The following GNG7 variants were observed in gnomAD, a reference collection of about 807,000 sequenced individuals.
GNG7 encodes guanine nucleotide-binding protein G(I)/G(S)/G(O) subunit gamma-7.
A neutral mutation model predicts 4.0 loss-of-function variants in GNG7; 1 was observed. The ratio of observed to expected loss-of-function variants is 0.25; its 90% confidence interval spans 0.09 to 1.18. GNG7 has a LOEUF of 1.18. GNG7 is among the 50% of genes most tolerant of loss of function. The probability of loss-of-function intolerance (pLI) is 0.50; values close to 1 mark genes in which losing one functional copy is unlikely to be tolerated. For synonymous variants in GNG7, 34 were observed against 36.9 expected, an observed-to-expected ratio of 0.92 and a Z score of 0.29; for missense variants, 86 against 91.9, an observed-to-expected ratio of 0.94 and a Z score of 0.26.
rs1035299962 is a variant in GNG7 at position 2,555,850 on chromosome 19, G to A, written c.-77-662C>T. Among the ~76,000 whole-genome samples the A allele has an allele frequency of 7.0e-4, 107 of 152,236 alleles. 1 individual carries two copies. The highest frequency in any genetic ancestry group is 2.5e-3 in the African/African-American group (103 of 41,542). ...GGAACGGAATCCTCTGTTCCAAGCC[G>A]GACCCTGCACAGGGCCAGGCCCCGT... On this transcript the variant is annotated intron_variant, in intron 2 of 4. Transcript: ENST00000382159.
intron 3 of GNG7, among the ~76,000 whole-genome samples, chr19:2,521,392 A>C (rs1377439068): frequency 1.3e-5 from 2 of 152,150 alleles, no homozygotes; most frequent in African/African-American, 4.8e-5. Flanking sequence ...CTTGCCCTCC[A>C]GGGGACACTG....
rs117653652 is a variant in GNG7 at position 2,650,249 on chromosome 19, G to A, written c.-134-3969C>T. On this transcript the variant is annotated intron_variant, in intron 1 of 4. Coordinates refer to ENST00000382159, the MANE Select transcript of GNG7 (RefSeq NM_052847.3). ...CCCAGGCTGGAGTGCAGTGGGGCAC[G>A]ATCTCGGCTCACGGCAACCTCCACC... Among the ~76,000 whole-genome samples the A allele has an allele frequency of 9.8e-3, 1,438 of 147,360 alleles. 10 individuals carry two copies. Among genetic ancestry groups the A allele is most frequent in the Non-Finnish European group, 0.016 (1,044 of 67,332 alleles).
At position 2,609,002 on chromosome 19, in the gene GNG7, C is replaced by T. The variant is rs891653734; in HGVS notation, c.-78+37222G>A. 1.4e-5 allele frequency among the ~76,000 whole-genome samples: 2 copies of T among 140,814 alleles called. No homozygotes were observed. The highest frequency in any genetic ancestry group is 5.1e-5 in the African/African-American group (2 of 39,022). 92.4% of individuals were successfully genotyped at this position (140,814 alleles called of 152,430 possible). A position where few individuals can be genotyped will look rare whatever the true frequency, so the allele number is the denominator to read the frequency against. ...GTACAAACATCATGCCTACCTAGTT[C>T]TTGTACATTCTCTCTCTCTCTCTCT... On this transcript the variant is annotated intron_variant, in intron 2 of 4. Transcript: ENST00000382159. This position sits in a 1 kb window ranked among gnomAD's most constrained non-coding sequence, Gnocchi z 4.4.
intron 2 of GNG7, chr19:2,643,138 C>T: frequency 2.2e-6 from 1 of 454,524 alleles, no homozygotes; most frequent in Non-Finnish European, 4.4e-6. Context: ...GCTCTGCACA[C>T]CTTCCCACCC....
chr19:2,581,867 T>G (rs1980514468), intron 2 of GNG7, among the ~76,000 whole-genome samples: 1 of 152,176 alleles, frequency 6.6e-6, no homozygotes, highest in South Asian at 2.1e-4. Context: ...AGAGAATGTC[T>G]GGGAGGGGAC....
At chr19:2,692,761 G>C (rs1336427435) in intron 1 of GNG7, among the ~76,000 whole-genome samples, 2 of 151,958 alleles carry the variant, frequency 1.3e-5, no homozygotes, top group African/African-American at 2.4e-5. Flanking sequence ...TGCGGTGGGC[G>C]AATCACTTGA....
At chr19:2,612,539 C>T (rs1429055317) in intron 2 of GNG7, among the ~76,000 whole-genome samples, 1 of 152,044 alleles carries the variant, frequency 6.6e-6, no homozygotes, top group Non-Finnish European at 1.5e-5. Context: ...GCTCCCACGG[C>T]ACAAAAGCCC....
intron 2 of GNG7, among the ~76,000 whole-genome samples, chr19:2,630,516 G>A (rs1037397852): frequency 6.6e-6 from 1 of 152,130 alleles, no homozygotes; most frequent in Non-Finnish European, 1.5e-5. Context: ...AGCATGAGGG[G>A]CCTATGGAGA....
In GNG7 at chr19:2,514,951, T is replaced by TGAGACA. The variant is rs375659854; in HGVS notation, c.*65_*70dup. The TGAGACA allele has an allele frequency of 6.4e-5, 83 of 1,293,774 alleles. No homozygotes were observed. In the African/African-American group the frequency reaches 9.6e-4, roughly 15 times the overall value. 80.1% of individuals were successfully genotyped at this position (1,293,774 alleles called of 1,614,324 possible). A position where few individuals can be genotyped will look rare whatever the true frequency, so the allele number is the denominator to read the frequency against. ...GCTAATTACTGAATGATGCCCTGCC[T>TGAGACA]GAGACAGAGACAGAGACAGAGAGAG... On this transcript the variant is annotated 3_prime_UTR_variant, in exon 5 of 5. Transcript: ENST00000382159.
intron 2 of GNG7, among the ~76,000 whole-genome samples, chr19:2,568,163 A>G (rs546771451): frequency 7.3e-6 from 1 of 137,546 alleles, no homozygotes; most frequent in Admixed American, 6.9e-5. Flanking sequence ...ACATACACAT[A>G]CATACACACA....
chr19:2,601,434 A>G (rs75107074), intron 2 of GNG7, among the ~76,000 whole-genome samples: 3,399 of 152,236 alleles, frequency 0.022, 124 homozygotes, highest in African/African-American at 0.076. Flanking sequence ...TTGCAGATAC[A>G]TGTACATGCT....
intron 2 of GNG7, chr19:2,642,255 C>T (rs776115284): frequency 1.6e-5 from 3 of 186,238 alleles, no homozygotes; most frequent in African/African-American, 7.1e-5. Flanking sequence ...TCCAAAAGGG[C>T]CCACGGGAGA....
intron 3 of GNG7, among the ~76,000 whole-genome samples, chr19:2,545,928 C>G (rs1321874442): frequency 6.6e-6 from 1 of 152,102 alleles, no homozygotes; most frequent in Non-Finnish European, 1.5e-5. Context: ...GCACTCCAGC[C>G]TGGGCAACGG....
rs544490762 is a variant in GNG7, at chr19:2,681,933, G to A, written c.-135+20713C>T. 2.0e-5 allele frequency among the ~76,000 whole-genome samples: 3 copies of A among 152,258 alleles called. No homozygotes were observed. In the South Asian group the frequency reaches 6.2e-4, roughly 32 times the overall value. On this transcript the variant is annotated intron_variant, in intron 1 of 4. Transcript: ENST00000382159. ...CTGTTTCTTTGTTTTTGTTTGAGAT[G>A]GAGTCTTGCTCTGTTGCCCAGGCTG...
intron 3 of GNG7, among the ~76,000 whole-genome samples, chr19:2,524,464 G>C (rs560886308): frequency 6.6e-6 from 1 of 152,188 alleles, no homozygotes; most frequent in Non-Finnish European, 1.5e-5. Flanking sequence ...TGTACCTTGC[G>C]TGTGCATGTA....
At chr19:2,690,894 AG>A (rs1913121045) in intron 1 of GNG7, among the ~76,000 whole-genome samples, 1 of 152,110 alleles carries the variant, frequency 6.6e-6, no homozygotes, top group African/African-American at 2.4e-5. Flanking sequence ...GCGCCCGGCC[AG>A]GGCAGTGAAA....
chr19:2,567,590 T>A (rs1332489623), intron 2 of GNG7, among the ~76,000 whole-genome samples: 1 of 152,084 alleles, frequency 6.6e-6, no homozygotes, highest in Non-Finnish European at 1.5e-5. Flanking sequence ...CCTCCCAAAG[T>A]GCTGGGATTG....
chr19:2,581,194 G>A (rs770163973), intron 2 of GNG7, among the ~76,000 whole-genome samples: 5 of 151,948 alleles, frequency 3.3e-5, no homozygotes, highest in Non-Finnish European at 5.9e-5. Context: ...AAGTGCCTTC[G>A]CCGCAGGCCC....
chr19:2,645,614 C>G (rs947324887), intron 2 of GNG7, among the ~76,000 whole-genome samples: 1 of 152,086 alleles, frequency 6.6e-6, no homozygotes, highest in Admixed American at 6.6e-5. Context: ...CACCCCGACC[C>G]GACCATCGGG....
Sources: gnomAD v4.1 joint callset for allele counts (sites outside exome capture counted in the v4.1 genomes callset) on GRCh38, gnomAD v4.1.1 for gene constraint, Gnocchi (gnomAD v3.1) non-coding constraint, MANE v1.5 for transcripts, NCBI Gene and HGNC (gene_info 2026-07-23, HGNC 2026-07-21) for gene names.